Variants in MTUS1 observed in about 807,000 individuals in gnomAD.
MTUS1 encodes the protein microtubule-associated tumor suppressor 1.
In MTUS1, 109 loss-of-function variants were observed where a neutral mutation model predicts 120.8. The ratio of observed to expected loss-of-function variants is 0.90; its 90% confidence interval spans 0.77 to 1.06. MTUS1 has a LOEUF of 1.06. Ranked by LOEUF, MTUS1 falls within the 50% of genes least tolerant of loss-of-function variation. The pLI is 0.00. For missense variants in MTUS1, 2,210 were observed against 1,486.3 expected, an observed-to-expected ratio of 1.49 and a Z score of -8.01; for synonymous variants, 737 against 550.5, an observed-to-expected ratio of 1.34 and a Z score of -4.74.
Position 17,742,408 on chromosome 8 carries a change from C to A in MTUS1, c.2287+1196G>T, listed in dbSNP as rs373753179. Among the ~76,000 whole-genome samples the A allele has an allele frequency of 1.3e-4, 20 of 151,722 alleles. 1 individual carries two copies. Among genetic ancestry groups the A allele is most frequent in the African/African-American group, 4.1e-4 (17 of 41,370 alleles). On this transcript the variant is annotated intron_variant, in intron 3 of 14. Transcript: ENST00000693296. ...GGGATTTCAGGCATAAACCACCACA[C>A]CCAGCCAGGACTAGAGCTTTCATCT... is the stretch of plus-strand genomic sequence containing the variant.
At chr8:17,790,378 ATAG>A (rs2051675454) in intron 1 of MTUS1, among the ~76,000 whole-genome samples, 1 of 152,026 alleles carries the variant, frequency 6.6e-6, no homozygotes, top group Non-Finnish European at 1.5e-5. Flanking sequence ...AGGAAAAAAA[ATAG>A]TAGTTGCTAT....
intron 2 of MTUS1, among the ~76,000 whole-genome samples, chr8:17,752,497 GGT>G (rs2048276375): frequency 6.6e-6 from 1 of 152,014 alleles, no homozygotes; most frequent in African/African-American, 2.4e-5. Context: ...AAATCACTGT[GGT>G]GTACCCTTCT....
chr8:17,722,847 C>A (rs914239027), intron 4 of MTUS1, among the ~76,000 whole-genome samples: 3 of 152,188 alleles, frequency 2.0e-5, no homozygotes, highest in Non-Finnish European at 2.9e-5. Flanking sequence ...AGCATTATTA[C>A]ACTTTGTCCC....
intron 6 of MTUS1, among the ~76,000 whole-genome samples, chr8:17,694,726 G>A (rs996461296): frequency 2.0e-5 from 3 of 152,032 alleles, no homozygotes; most frequent in South Asian, 4.2e-4. Context: ...CCAGACACAT[G>A]GTGTCATGAA....
At position 17,713,213 on chromosome 8, in the gene MTUS1, C is replaced by A. The variant is rs773468295; in HGVS notation, c.2623+1G>T. 1 of 1,596,012 alleles carries A rather than the reference C, an allele frequency of 6.3e-7. No homozygotes were observed. Among genetic ancestry groups the A allele is most frequent in the East Asian group, 2.2e-5 (1 of 44,582 alleles). On this transcript the variant is annotated splice_donor_variant, in intron 6 of 14. Coordinates refer to ENST00000693296, the MANE Select transcript of MTUS1 (RefSeq NM_001363059.2). LOFTEE classifies it high-confidence loss of function. ...TCGCCATCCATAAAGTGGTCACTCACCTGCATTAAGAGCTGTAAATAAATT... is the reference window on the plus strand; with the variant it reads ...TCGCCATCCATAAAGTGGTCACTCAACTGCATTAAGAGCTGTAAATAAATT...
At position 17,755,195 on chromosome 8, in the gene MTUS1, A is replaced by T. The variant is rs771778133; in HGVS notation, c.613T>A (p.Tyr205Asn). ...RRSGSTSSLS[Y>N]STWTSSHSDK... ...GAATGGGAAGATGTCCAAGTGGAAT[A>T]GGATAAAGAAGATGTACTTCCACTT... The change falls in exon 2 of 15, where the codon TAT (tyrosine) becomes AAT (asparagine). Residue 205 changes from tyrosine to asparagine, a missense_variant. Coordinates refer to ENST00000693296, the MANE Select transcript of MTUS1 (RefSeq NM_001363059.2). The T allele has an allele frequency of 6.2e-7, 1 of 1,614,232 alleles. No individual in the cohort carries two copies. Among genetic ancestry groups the T allele is most frequent in the African/African-American group, 1.3e-5 (1 of 75,056 alleles).
In MTUS1 at chr8:17,755,336, T is replaced by C; in HGVS notation, c.472A>G (p.Asn158Asp). The change falls in exon 2 of 15, where the codon AAC (asparagine) becomes GAC (aspartate). Residue 158 changes from asparagine (N) to aspartate (D), a missense_variant. Transcript: ENST00000693296. ...TCCACTGTCATGTCAAATGTTTGGT[T>C]TAGCTCCAAGGCATCACAGTAGCCT... ...CAGYCDALEL[N>D]QTFDMTVDKV... 6.2e-7 allele frequency: 1 copy of C among 1,614,206 alleles called. No homozygotes were observed. The highest frequency in any genetic ancestry group is 1.1e-5 in the South Asian group (1 of 91,084).
intron 1 of MTUS1, among the ~76,000 whole-genome samples, chr8:17,790,076 C>T (rs2051642844): frequency 6.6e-6 from 1 of 152,052 alleles, no homozygotes. Context: ...CAACTGGGCA[C>T]GGTGGCTCAC....
chr8:17,721,600 T>C (rs1034538720), intron 4 of MTUS1: 3 of 1,294,990 alleles, frequency 2.3e-6, no homozygotes, highest in East Asian at 5.1e-5. Context: ...AATACTACCA[T>C]TACCATAAAT....
intron 1 of MTUS1, chr8:17,780,911 G>C (rs1012651642): frequency 1.1e-4 from 16 of 152,164 alleles, no homozygotes; most frequent in Non-Finnish European, 2.1e-4. Flanking sequence ...CATCATCGAA[G>C]GTAAGGGAGT....
chr8:17,770,705 A>C, intron 1 of MTUS1: 1 of 152,182 alleles, frequency 6.6e-6, no homozygotes, highest in East Asian at 1.9e-4. Flanking sequence ...CTTCCAAACT[A>C]AAGAATTTTC....
chr8:17,700,183 C>G (rs558671506), intron 6 of MTUS1, among the ~76,000 whole-genome samples: 1 of 151,828 alleles, frequency 6.6e-6, no homozygotes, highest in African/African-American at 2.4e-5. Context: ...CTTTATGGGC[C>G]GGGCGCGGTG....
chr8:17,711,809 T>C (rs969264057), intron 6 of MTUS1, among the ~76,000 whole-genome samples: 1 of 152,222 alleles, frequency 6.6e-6, no homozygotes, highest in African/African-American at 2.4e-5. Flanking sequence ...AACTTTTCTT[T>C]CACTTGAATA....
chr8:17,771,610 T>C (rs182599924), intron 1 of MTUS1, among the ~76,000 whole-genome samples: 175 of 152,344 alleles, frequency 1.1e-3, no homozygotes, highest in African/African-American at 4.0e-3. Context: ...CAACAACAGA[T>C]TGTCTGAATC....
At chr8:17,740,748 T>A (rs1329678007) in intron 3 of MTUS1, among the ~76,000 whole-genome samples, 4 of 152,214 alleles carry the variant, frequency 2.6e-5, no homozygotes, top group Non-Finnish European at 5.9e-5. Context: ...TTCTGAAGGC[T>A]GGAATGTCCA....
intron 3 of MTUS1, among the ~76,000 whole-genome samples, chr8:17,733,659 G>C (rs186362390): frequency 2.6e-5 from 4 of 152,138 alleles, no homozygotes; most frequent in African/African-American, 7.2e-5. Flanking sequence ...ACATTGACAA[G>C]AGGCTCTAGG....
intron 6 of MTUS1, among the ~76,000 whole-genome samples, chr8:17,700,487 G>C (rs1361889353): frequency 1.5e-5 from 1 of 68,142 alleles, no homozygotes; most frequent in African/African-American, 5.2e-5. Context: ...AAAAAGATGA[G>C]TCTTTATGAA....
chr8:17,737,945 AT>A (rs1443956193), intron 3 of MTUS1, among the ~76,000 whole-genome samples: 1 of 152,228 alleles, frequency 6.6e-6, no homozygotes, highest in Non-Finnish European at 1.5e-5. Flanking sequence ...TTTGAAGAAG[AT>A]TTGAAATTAC....
chr8:17,743,823 G>A (rs948869890), intron 2 of MTUS1, 24 bp from the exon 3 acceptor site: 1 of 1,596,484 alleles, frequency 6.3e-7, no homozygotes, highest in Non-Finnish European at 8.6e-7. Flanking sequence ...AGTTAAGACT[G>A]TAAACCAAAA....
Sources: allele counts gnomAD v4.1 joint callset (sites outside exome capture counted in the v4.1 genomes callset), GRCh38; gene constraint gnomAD v4.1.1; transcripts MANE v1.5; gene names NCBI Gene and HGNC (gene_info 2026-07-23, HGNC 2026-07-21).